The following STX7 variants were observed in gnomAD, a reference collection of about 807,000 sequenced individuals.
STX7 encodes syntaxin 7.
A neutral mutation model predicts 39.6 loss-of-function variants in STX7; 34 were observed. That is an observed-to-expected ratio of 0.86 (90% CI 0.65 to 1.14). The LOEUF is 1.14. STX7 is among the 50% of genes most tolerant of loss of function. The probability of loss-of-function intolerance (pLI) is 0.00; values close to 1 mark genes in which losing one functional copy is unlikely to be tolerated. For synonymous variants in STX7, 119 were observed against 99.1 expected (o/e 1.20, Z -1.19); for missense variants, 284 against 310.4 (o/e 0.92, Z 0.64).
At position 132,450,935 on chromosome 6, in the gene STX7, A is replaced by C. The variant is rs1173481305; in HGVS notation, c.*9823T>G. 1 of 152,090 alleles carries C rather than the reference A, an allele frequency of 6.6e-6. No homozygotes were observed. Among genetic ancestry groups the C allele is most frequent in the Non-Finnish European group, 1.5e-5 (1 of 68,010 alleles). The allele number at this position is 152,090 out of a possible 1,614,324, so 9.4% of individuals were successfully genotyped here. On this transcript the variant is annotated 3_prime_UTR_variant, in exon 10 of 10. Transcript: ENST00000367941. ...ACATATAGATGGTGAGAAGACCTCAAATATAATAAACCCCCCAAATCTACA... is the reference window on the plus strand; with the variant it reads ...ACATATAGATGGTGAGAAGACCTCACATATAATAAACCCCCCAAATCTACA...
chr6:132,486,272 C>CTGA (rs1775129535), intron 2 of STX7, among the ~76,000 whole-genome samples: 2 of 152,150 alleles, frequency 1.3e-5, no homozygotes, highest in Non-Finnish European at 2.9e-5. Context: ...GGCAAGACAT[C>CTGA]CCTGTCTTGT....
rs947587477 is a variant in STX7, at chr6:132,455,295, A to G, written c.*5463T>C. 1 of 152,220 alleles carries G rather than the reference A, an allele frequency of 6.6e-6. No homozygotes were observed. Among genetic ancestry groups the G allele is most frequent in the African/African-American group, 2.4e-5 (1 of 41,446 alleles). The allele number at this position is 152,220 out of a possible 1,614,324, so 9.4% of individuals were successfully genotyped here. ...AAAAAACTTTCAGAGGGCATTAAAA[A>G]GTGAAACTAGGTATCAGAAAAATCT... On this transcript the variant is annotated 3_prime_UTR_variant, in exon 10 of 10. Coordinates refer to ENST00000367941, the MANE Select transcript of STX7 (RefSeq NM_003569.3).
chr6:132,463,255 C>A (rs938059164), intron 9 of STX7, among the ~76,000 whole-genome samples: 3 of 151,914 alleles, frequency 2.0e-5, no homozygotes, highest in Non-Finnish European at 4.4e-5. Context: ...TGAATGATAG[C>A]AACAAAGGAA....
At chr6:132,461,767 G>A (rs1414696638) in intron 9 of STX7, 11 of 1,441,560 alleles carry the variant, frequency 7.6e-6, no homozygotes, top group African/African-American at 1.4e-5. Context: ...AAAACCGAAT[G>A]GTTAAGAATT....
chr6:132,485,077 C>T (rs1005886590), intron 2 of STX7, among the ~76,000 whole-genome samples: 9 of 152,150 alleles, frequency 5.9e-5, no homozygotes, highest in African/African-American at 2.2e-4. Context: ...CAAGTTTGGA[C>T]ATATGTGTAC....
At position 132,460,443 on chromosome 6, in the gene STX7, G is replaced by A. The variant is rs111353766; in HGVS notation, c.*315C>T. 6.4e-4 allele frequency: 119 copies of A among 186,500 alleles called. No individual in the cohort carries two copies. Among genetic ancestry groups the A allele is most frequent in the African/African-American group, 2.7e-3 (114 of 42,612 alleles). The allele number at this position is 186,500 out of a possible 1,614,324, so 11.6% of individuals were successfully genotyped here. Reference sequence around the variant, plus strand: ...AGAATACACACACCTTTAAATTTACGAATTCCCAAAACTAAGTCAAGCAGG... The same window carrying A: ...AGAATACACACACCTTTAAATTTACAAATTCCCAAAACTAAGTCAAGCAGG... On this transcript the variant is annotated 3_prime_UTR_variant, in exon 10 of 10. Transcript: ENST00000367941.
intron 2 of STX7, among the ~76,000 whole-genome samples, chr6:132,496,649 G>A (rs1306141386): frequency 6.6e-6 from 1 of 152,076 alleles, no homozygotes; most frequent in African/African-American, 2.4e-5. Flanking sequence ...AAAAACTTTG[G>A]TTAGAATTAT....
chr6:132,484,362 T>A (rs1195271980), intron 2 of STX7, among the ~76,000 whole-genome samples: 1 of 152,114 alleles, frequency 6.6e-6, no homozygotes, highest in Non-Finnish European at 1.5e-5. Context: ...AGTGGATTAT[T>A]TAAGAAAAAA....
Position 132,446,347 on chromosome 6 carries a change from GA to G in STX7, c.*14410del, listed in dbSNP as rs1161437578. The G allele has an allele frequency of 6.6e-6, 1 of 152,118 alleles. No individual in the cohort carries two copies. The highest frequency in any genetic ancestry group is 1.5e-5 in the Non-Finnish European group (1 of 68,012). 9.4% of individuals were successfully genotyped at this position (152,118 alleles called of 1,614,324 possible). On this transcript the variant is annotated 3_prime_UTR_variant, in exon 10 of 10. Coordinates refer to ENST00000367941, the MANE Select transcript of STX7 (RefSeq NM_003569.3). ...CTCTCTGCATCAAGATGATTGGGGT[GA>G]AAAACTGTCAATTGAAAAAAGTTTG...
At chr6:132,463,201 C>G (rs1230371936) in intron 9 of STX7, among the ~76,000 whole-genome samples, 2 of 151,794 alleles carry the variant, frequency 1.3e-5, no homozygotes, top group African/African-American at 2.4e-5. Flanking sequence ...GAGCCAGACT[C>G]TGTGTCAAAA....
chr6:132,470,074 A>G (rs751423795), intron 6 of STX7, 27 bp from the exon 7 acceptor site: 1 of 1,533,088 alleles, frequency 6.5e-7, no homozygotes, highest in Admixed American at 2.2e-5. Flanking sequence ...AATGTGGAAA[A>G]AAACAAAGAT....
intron 2 of STX7, among the ~76,000 whole-genome samples, chr6:132,492,783 CAAAGT>C (rs1271066179): frequency 6.6e-6 from 1 of 152,162 alleles, no homozygotes; most frequent in Non-Finnish European, 1.5e-5. Context: ...ATACAAGGCA[CAAAGT>C]AAACAGTTAA....
Position 132,459,756 on chromosome 6 carries a change from T to C in STX7, c.*1002A>G, listed in dbSNP as rs898081980. The stretch of plus-strand genomic sequence containing the variant: ...AGTGAGATAACTGGCAAACCTCCAA[T>C]TGCTTTTTTAATGAAGGATGACACA... On this transcript the variant is annotated 3_prime_UTR_variant, in exon 10 of 10. Coordinates refer to ENST00000367941, the MANE Select transcript of STX7 (RefSeq NM_003569.3). The C allele has an allele frequency of 1.3e-5, 2 of 152,178 alleles. No homozygotes were observed. Among genetic ancestry groups the C allele is most frequent in the African/African-American group, 4.8e-5 (2 of 41,456 alleles). The allele number at this position is 152,178 out of a possible 1,614,324, so 9.4% of individuals were successfully genotyped here.
chr6:132,464,269 T>C lies in STX7; in HGVS notation c.611-194A>G, dbSNP rs538505990. On this transcript the variant is annotated intron_variant, in intron 8 of 9. Coordinates refer to ENST00000367941, the MANE Select transcript of STX7 (RefSeq NM_003569.3). ...TACACCTATACTATTTTTCAGGTGA[T>C]CCAAACAATATAAGAGCATTTGTAT... 3.9e-5 allele frequency among the ~76,000 whole-genome samples: 6 copies of C among 152,344 alleles called. No individual in the cohort carries two copies. In the South Asian group the frequency reaches 1.2e-3, roughly 32 times the overall value.
intron 1 of STX7, among the ~76,000 whole-genome samples, chr6:132,507,352 G>A (rs1198827879): frequency 1.3e-5 from 2 of 152,166 alleles, no homozygotes; most frequent in Non-Finnish European, 2.9e-5. Flanking sequence ...ACACCTACTT[G>A]AAGTACACAA....
At position 132,456,604 on chromosome 6, in the gene STX7, A is replaced by G. The variant is rs903659184; in HGVS notation, c.*4154T>C. ...AGTCCTGGGGCCCCAGAAGCTTAGT[A>G]TATGTATTTTTTATTTTGGTTGGAA... On this transcript the variant is annotated 3_prime_UTR_variant, in exon 10 of 10. Transcript: ENST00000367941. The G allele has an allele frequency of 6.6e-6, 1 of 152,214 alleles. No individual in the cohort carries two copies. Among genetic ancestry groups the G allele is most frequent in the African/African-American group, 2.4e-5 (1 of 41,462 alleles). The allele number at this position is 152,214 out of a possible 1,614,324, so 9.4% of individuals were successfully genotyped here.
chr6:132,501,484 T>A (rs1044754662), intron 2 of STX7, among the ~76,000 whole-genome samples: 2 of 152,202 alleles, frequency 1.3e-5, no homozygotes, highest in African/African-American at 2.4e-5. Flanking sequence ...TATTCAACTC[T>A]GGCCCAATCT....
chr6:132,482,916 G>C (rs1232588408), intron 2 of STX7, among the ~76,000 whole-genome samples: 1 of 151,826 alleles, frequency 6.6e-6, no homozygotes, highest in Admixed American at 6.6e-5. Context: ...CCTGAAACCT[G>C]GTTTTGTACA....
intron 2 of STX7, among the ~76,000 whole-genome samples, chr6:132,486,348 T>C (rs1002359316): frequency 2.0e-5 from 3 of 152,218 alleles, no homozygotes; most frequent in African/African-American, 4.8e-5. Context: ...TAAGTTTTCA[T>C]AGATGATCTT....
Sources: gnomAD v4.1 joint callset for allele counts (sites outside exome capture counted in the v4.1 genomes callset) on GRCh38, gnomAD v4.1.1 for gene constraint, MANE v1.5 for transcripts, NCBI Gene and HGNC (gene_info 2026-07-23, HGNC 2026-07-21) for gene names.